The following NCALD variants were observed in gnomAD, a reference collection of about 807,000 sequenced individuals.
The protein encoded by NCALD is neurocalcin-delta.
In NCALD, 10 loss-of-function variants were observed where a neutral mutation model predicts 18.6. The observed-to-expected ratio is 0.54, with a 90% CI of 0.33 to 0.91. The LOEUF is 0.91. Ranked by LOEUF, NCALD falls within the 40% of genes least tolerant of loss-of-function variation. NCALD has a pLI of 0.03. For missense variants in NCALD, 184 were observed against 247.6 expected (o/e 0.74, Z 1.72); for synonymous variants, 88 against 87.4 (o/e 1.01, Z -0.04).
At chr8:101,950,202 A>G (rs1819337082) in intron 2 of NCALD, 1 of 152,392 alleles carries the variant, frequency 6.6e-6, no homozygotes, top group South Asian at 2.1e-4. Flanking sequence ...AGACAACAGT[A>G]ATGAAATTTT....
intron 4 of NCALD, among the ~76,000 whole-genome samples, chr8:101,851,158 G>C (rs1253229652): frequency 6.6e-6 from 1 of 152,166 alleles, no homozygotes; most frequent in African/African-American, 2.4e-5. Flanking sequence ...TACGAGATTA[G>C]TGTTCTTTAG....
chr8:101,991,010 T>C (rs1190822128), intron 2 of NCALD, among the ~76,000 whole-genome samples: 1 of 152,202 alleles, frequency 6.6e-6, no homozygotes, highest in African/African-American at 2.4e-5. Flanking sequence ...CAGACAAAAA[T>C]ATTCTGCTCC....
intron 1 of NCALD, among the ~76,000 whole-genome samples, chr8:102,118,770 G>A (rs935659685): frequency 9.9e-5 from 15 of 151,618 alleles, no homozygotes; most frequent in East Asian, 1.9e-4. Flanking sequence ...CAAACCTTCC[G>A]ATCATGCCAT....
At position 101,945,085 on chromosome 8, in the gene NCALD, TC is replaced by T. The variant is rs777371392; in HGVS notation, c.-156-29228del. Among the ~76,000 whole-genome samples the T allele has an allele frequency of 5.6e-4, 86 of 152,318 alleles. 1 individual carries two copies. Among genetic ancestry groups the T allele is most frequent in the Middle Eastern group, 6.8e-3 (2 of 294 alleles). On this transcript the variant is annotated intron_variant, in intron 2 of 6. Coordinates refer to the NCALD transcript ENST00000311028. Reference sequence around the variant, plus strand: ...ATCTGTTAAGAGGCCTTCTTATTCTTCTTGTTCCTCTGTTACAATAAATCAG... The same window carrying T: ...ATCTGTTAAGAGGCCTTCTTATTCTTTTGTTCCTCTGTTACAATAAATCAG...
intron 1 of NCALD, among the ~76,000 whole-genome samples, chr8:101,724,719 CATA>C (rs1660624503): frequency 6.6e-6 from 1 of 152,224 alleles, no homozygotes; most frequent in Non-Finnish European, 1.5e-5. Context: ...TTCTCTATCT[CATA>C]AGCAAATAAA....
chr8:101,742,011 T>C (rs574406132), intron 1 of NCALD, among the ~76,000 whole-genome samples: 2 of 148,936 alleles, frequency 1.3e-5, no homozygotes, highest in South Asian at 4.3e-4. Flanking sequence ...CCCAGCACTT[T>C]GGGAGGCTGA....
chr8:102,084,999 C>A (rs896200127), intron 1 of NCALD, among the ~76,000 whole-genome samples: 3 of 152,162 alleles, frequency 2.0e-5, no homozygotes, highest in African/African-American at 7.2e-5. Context: ...GTTAAGAAAT[C>A]TGCAGGTGTC....
chr8:102,068,625 T>G (rs1335886601), intron 1 of NCALD, among the ~76,000 whole-genome samples: 1 of 152,250 alleles, frequency 6.6e-6, no homozygotes, highest in Non-Finnish European at 1.5e-5. Flanking sequence ...AGTCTGTTGA[T>G]TTCCTCCATT....
chr8:101,732,420 A>C (rs905242916), intron 1 of NCALD, among the ~76,000 whole-genome samples: 35 of 151,894 alleles, frequency 2.3e-4, no homozygotes, highest in African/African-American at 7.5e-4. Context: ...CCCTCCATAG[A>C]CTCTAAGAAT....
At chr8:102,039,490 T>C (rs1405507745) in intron 1 of NCALD, among the ~76,000 whole-genome samples, 1 of 152,196 alleles carries the variant, frequency 6.6e-6, no homozygotes, top group African/African-American at 2.4e-5. Flanking sequence ...TTTATTTAAC[T>C]TTCATATACA....
At chr8:102,031,885 T>C (rs941732518) in intron 1 of NCALD, among the ~76,000 whole-genome samples, 2 of 152,188 alleles carry the variant, frequency 1.3e-5, no homozygotes, top group Non-Finnish European at 2.9e-5. Flanking sequence ...CATTTCCCCA[T>C]GTACAAAAGG....
At chr8:101,847,917 G>C (rs768724112) in intron 4 of NCALD, among the ~76,000 whole-genome samples, 1 of 152,118 alleles carries the variant, frequency 6.6e-6, no homozygotes, top group African/African-American at 2.4e-5. Flanking sequence ...ATTTACGCTC[G>C]TAAAAAACAG....
intron 1 of NCALD, among the ~76,000 whole-genome samples, chr8:102,069,401 G>A (rs927574861): frequency 1.3e-5 from 2 of 152,050 alleles, no homozygotes; most frequent in African/African-American, 4.8e-5. Flanking sequence ...AATGGAGCAG[G>A]TAAACAATAC....
chr8:101,690,205 G>C (rs2129921865), intron 3 of NCALD: 3 of 978,728 alleles, frequency 3.1e-6, no homozygotes, highest in Non-Finnish European at 3.6e-6. Flanking sequence ...AGGAGGGGAG[G>C]GGGTGGGGTA....
At chr8:101,762,296 C>A (rs563785669) in intron 1 of NCALD, among the ~76,000 whole-genome samples, 1 of 152,116 alleles carries the variant, frequency 6.6e-6, no homozygotes, top group South Asian at 2.1e-4. Context: ...CCATTTTGCT[C>A]TGGTGAGATA....
intron 1 of NCALD, chr8:102,123,830 C>A: frequency 6.6e-6 from 1 of 152,558 alleles, no homozygotes; most frequent in South Asian, 1.9e-4. Context: ...GGCCCCGGCC[C>A]CGGCCCCCGG....
intron 2 of NCALD, among the ~76,000 whole-genome samples, chr8:101,982,542 T>C (rs921125632): frequency 2.0e-5 from 3 of 152,136 alleles, no homozygotes; most frequent in African/African-American, 4.8e-5. Flanking sequence ...TGATTTCTCA[T>C]ACATAAAAAA....
chr8:101,945,614 G>A (rs902042848), intron 2 of NCALD, among the ~76,000 whole-genome samples: 2 of 152,156 alleles, frequency 1.3e-5, no homozygotes, highest in African/African-American at 4.8e-5. Context: ...AGCTGTTTAG[G>A]TAAAAATGCT....
chr8:102,036,617 A>G (rs1822875021), intron 1 of NCALD, among the ~76,000 whole-genome samples: 2 of 152,070 alleles, frequency 1.3e-5, no homozygotes, highest in East Asian at 3.9e-4. Flanking sequence ...TCTACTAAAA[A>G]TACAAAAATT....
Sources: gnomAD v4.1 joint callset for allele counts (sites outside exome capture counted in the v4.1 genomes callset) on GRCh38, gnomAD v4.1.1 for gene constraint, MANE v1.5 for transcripts, NCBI Gene and HGNC (gene_info 2026-07-23, HGNC 2026-07-21) for gene names.